Variants in MRTFA observed in about 807,000 individuals in gnomAD.
MRTFA encodes the protein myocardin-related transcription factor A.
In MRTFA, 20 loss-of-function variants were observed where a neutral mutation model predicts 83.5. The ratio of observed to expected loss-of-function variants is 0.24; its 90% CI spans 0.17 to 0.35. MRTFA has a LOEUF of 0.35. Among genes scored for constraint, MRTFA ranks in the 10% least tolerant of loss-of-function variants. The pLI, the probability that MRTFA is intolerant of heterozygous loss-of-function variation, is 1.00. For synonymous variants in MRTFA, 659 were observed against 541.2 expected, an observed-to-expected ratio of 1.22 and a Z score of -3.02; for missense variants, 1,200 against 1,224.7, an observed-to-expected ratio of 0.98 and a Z score of 0.30.
intron 3 of MRTFA, among the ~76,000 whole-genome samples, chr22:40,520,105 TCC>T: frequency 6.6e-6 from 1 of 152,166 alleles, no homozygotes; most frequent in South Asian, 2.1e-4. Flanking sequence ...AATTTCTCCT[TCC>T]ACTTCCAGCC....
Position 40,416,894 on chromosome 22 carries a change from G to T in MRTFA, c.2578+92C>A. On this transcript the variant is annotated intron_variant, in intron 14 of 14. Coordinates refer to ENST00000355630, the MANE Select transcript of MRTFA (RefSeq NM_020831.6). The surrounding 1 kb of genome is among the most constrained non-coding windows in gnomAD (Gnocchi z 4.2). The stretch of plus-strand genomic sequence containing the variant: ...TGCTTGCCCAAGACTGGTCACGCAC[G>T]GAAGCATTCAATAAAAACAAACCAA... 8.2e-7 allele frequency: 1 copy of T among 1,226,758 alleles called. No individual in the cohort carries two copies. The allele number at this position is 1,226,758 out of a possible 1,614,324, so 76.0% of individuals were successfully genotyped here. A position where few individuals can be genotyped will look rare whatever the true frequency, so the allele number is the denominator to read the frequency against.
intron 3 of MRTFA, among the ~76,000 whole-genome samples, chr22:40,509,981 T>TAAAAAAAAAA (rs1569304003): frequency 3.2e-4 from 11 of 34,752 alleles, no homozygotes; most frequent in South Asian, 5.2e-4. Context: ...GCCAAGTACT[T>TAAAAAAAAAA]TAAAAAAAAA....
At chr22:40,425,696 G>C (rs1223726658) in intron 7 of MRTFA, among the ~76,000 whole-genome samples, 1 of 152,224 alleles carries the variant, frequency 6.6e-6, no homozygotes, top group Non-Finnish European at 1.5e-5. Context: ...CACACGGCTA[G>C]ATTTCCCCCA....
At chr22:40,529,856 C>G (rs1410985144) in intron 3 of MRTFA, among the ~76,000 whole-genome samples, 1 of 152,004 alleles carries the variant, frequency 6.6e-6, no homozygotes, top group African/African-American at 2.4e-5. Context: ...TCTTCCACCC[C>G]AGTCCCCCAG....
chr22:40,484,080 T>C (rs180747369), intron 3 of MRTFA, among the ~76,000 whole-genome samples: 1 of 151,324 alleles, frequency 6.6e-6, no homozygotes, highest in African/African-American at 2.4e-5. Context: ...ACCATATGGG[T>C]TGGGTTATAG....
chr22:40,630,335 A>C (rs2056629105), intron 1 of MRTFA, among the ~76,000 whole-genome samples: 1 of 152,038 alleles, frequency 6.6e-6, no homozygotes, highest in African/African-American at 2.4e-5. Context: ...AAAAATAAAA[A>C]AATAAAAGGT....
intron 2 of MRTFA, among the ~76,000 whole-genome samples, chr22:40,554,118 G>A (rs1220085634): frequency 6.6e-6 from 1 of 152,212 alleles, no homozygotes; most frequent in East Asian, 1.9e-4. Context: ...TATCTAGGAA[G>A]TAACTAACTT....
intron 4 of MRTFA, among the ~76,000 whole-genome samples, chr22:40,439,056 G>A (rs2053225115): frequency 6.6e-6 from 1 of 152,008 alleles, no homozygotes. Context: ...ATAAGGACAG[G>A]GCCAAAAAGG....
chr22:40,607,043 T>TG (rs1290546207), intron 1 of MRTFA, among the ~76,000 whole-genome samples: 3 of 152,152 alleles, frequency 2.0e-5, no homozygotes, highest in Non-Finnish European at 4.4e-5. Context: ...CACCTAACAG[T>TG]GCCTAACAGA....
In MRTFA at chr22:40,513,613, A is replaced by AAAG. The variant is rs1555990200; in HGVS notation, c.241+38492_241+38493insCTT. ...CGAAGACTCCATCTCAAAAAAAAAA[A>AAAG]AAAAAGAAAAAGAAAAGGAAAAGAC... On this transcript the variant is annotated intron_variant, in intron 3 of 14. Transcript: ENST00000355630. 3.3e-5 allele frequency among the ~76,000 whole-genome samples: 5 copies of AAAG among 151,600 alleles called. No individual in the cohort carries two copies. In the East Asian group the frequency reaches 5.8e-4, roughly 18 times the overall value.
At chr22:40,447,618 C>T (rs964289793) in intron 4 of MRTFA, among the ~76,000 whole-genome samples, 1 of 152,120 alleles carries the variant, frequency 6.6e-6, no homozygotes, top group African/African-American at 2.4e-5. Context: ...ATGGTGCCTG[C>T]GAACCTTGAC....
intron 1 of MRTFA, among the ~76,000 whole-genome samples, chr22:40,604,564 T>C (rs181858916): frequency 2.6e-4 from 40 of 151,944 alleles, no homozygotes; most frequent in Admixed American, 1.4e-3. Context: ...ATGACCAACA[T>C]GGTGAAACCT....
intron 1 of MRTFA, among the ~76,000 whole-genome samples, chr22:40,633,876 T>C (rs2056666445): frequency 6.6e-6 from 1 of 152,160 alleles, no homozygotes; most frequent in Non-Finnish European, 1.5e-5. Flanking sequence ...AAAAGCATGT[T>C]AAAAGGAACC....
At chr22:40,503,114 A>G (rs2054524046) in intron 3 of MRTFA, among the ~76,000 whole-genome samples, 1 of 152,218 alleles carries the variant, frequency 6.6e-6, no homozygotes, top group Non-Finnish European at 1.5e-5. Flanking sequence ...TGTACTGTGT[A>G]TCATCAAGAA....
intron 3 of MRTFA, among the ~76,000 whole-genome samples, chr22:40,514,473 CA>C (rs913858950): frequency 6.9e-5 from 10 of 145,840 alleles, no homozygotes; most frequent in African/African-American, 2.5e-4. Flanking sequence ...GTCCCTCCTA[CA>C]TTTTTTTTTT....
intron 2 of MRTFA, among the ~76,000 whole-genome samples, chr22:40,562,255 A>C (rs777919518): frequency 1.3e-5 from 2 of 150,978 alleles, no homozygotes; most frequent in Non-Finnish European, 2.9e-5. Context: ...ACTACACAGA[A>C]GGGCAGAGGA....
At chr22:40,471,848 G>T (rs1405083669) in intron 3 of MRTFA, among the ~76,000 whole-genome samples, 1 of 151,948 alleles carries the variant, frequency 6.6e-6, no homozygotes, top group Non-Finnish European at 1.5e-5. Context: ...CTCCAACCTG[G>T]GTGCCAGAGC....
chr22:40,451,096 T>A (rs892822414), intron 4 of MRTFA, among the ~76,000 whole-genome samples: 2 of 152,206 alleles, frequency 1.3e-5, no homozygotes, highest in Admixed American at 6.5e-5. Context: ...GATGTAGCTT[T>A]TTTCCTTTAT....
chr22:40,463,380 AGAAGGATGTAGTGT>A, intron 3 of MRTFA, 94 bp from the exon 4 acceptor site: 5 of 1,049,774 alleles, frequency 4.8e-6, no homozygotes, highest in Non-Finnish European at 7.4e-6. Flanking sequence ...GTCTAAAAAC[AGAAGGATGTAGTGT>A]GAAAGAAGGG....
Sources: gnomAD v4.1 joint callset for allele counts (sites outside exome capture counted in the v4.1 genomes callset) on GRCh38, gnomAD v4.1.1 for gene constraint, Gnocchi (gnomAD v3.1) non-coding constraint, MANE v1.5 for transcripts, NCBI Gene and HGNC (gene_info 2026-07-23, HGNC 2026-07-21) for gene names.